Variants in MYH8 observed in about 807,000 individuals in gnomAD.
MYH8 encodes the protein myosin-8.
MYH8 carries 168 observed loss-of-function variants against 233.2 expected under a neutral mutation model. The observed-to-expected ratio is 0.72, with a 90% CI of 0.64 to 0.82. The LOEUF (loss-of-function observed/expected upper bound fraction) is 0.82. Among genes scored for constraint, MYH8 ranks in the 40% least tolerant of loss-of-function variants. The probability of loss-of-function intolerance (pLI) is 0.00; values close to 1 mark genes in which losing one functional copy is unlikely to be tolerated. For missense variants in MYH8, 1,995 were observed against 2,327.8 expected (o/e 0.86, Z 2.94); for synonymous variants, 785 against 850.6 (o/e 0.92, Z 1.34).
chr17:10,404,811 T>C (rs1684397705), intron 21 of MYH8, among the ~76,000 whole-genome samples: 1 of 152,118 alleles, frequency 6.6e-6, no homozygotes, highest in South Asian at 2.1e-4. Flanking sequence ...ACCACTTTGC[T>C]AATATGAGTA....
chr17:10,414,362 C>T, intron 10 of MYH8, 24 bp downstream of exon 10: 2 of 1,600,300 alleles, frequency 1.2e-6, no homozygotes, highest in South Asian at 2.2e-5. Context: ...TAACTTCTAT[C>T]TATGACTTTA....
chr17:10,395,521 T>G, intron 33 of MYH8, 80 bp from the exon 34 acceptor site: 1 of 1,399,380 alleles, frequency 7.1e-7, no homozygotes, highest in Non-Finnish European at 1.0e-6. Flanking sequence ...CAAACTCTTG[T>G]CAATATCAGT....
In MYH8 at chr17:10,413,801, A is replaced by G. The variant is rs543942365; in HGVS notation, c.1147+101T>C. 1,774 of 1,563,144 alleles carry G rather than the reference A, an allele frequency of 1.1e-3. 3 individuals carry two copies. Among genetic ancestry groups the G allele is most frequent in the Non-Finnish European group, 1.5e-3 (1,659 of 1,137,198 alleles). On this transcript the variant is annotated intron_variant, in intron 12 of 39. Transcript: ENST00000403437. ...GTGTGTAAATGTGTATATGCCCTTC[A>G]CAAGTCGCAAGTCCAGCCACAAAGG...
At chr17:10,404,015 T>G (rs534289852) in intron 22 of MYH8, among the ~76,000 whole-genome samples, 1 of 152,224 alleles carries the variant, frequency 6.6e-6, no homozygotes, top group Non-Finnish European at 1.5e-5. Flanking sequence ...ATACTTTTAA[T>G]GCTGGGCTAA....
intron 12 of MYH8, 122 bp from the exon 13 acceptor site, chr17:10,412,850 G>A (rs1390372855): frequency 1.4e-5 from 14 of 990,362 alleles, no homozygotes. Context: ...TCTATAAAAG[G>A]CCAAATGAGG....
rs776852383 is a variant in MYH8, at chr17:10,409,493, G to A, written c.1683C>T (p.Gly561=). 8.7e-6 allele frequency: 14 copies of A among 1,614,202 alleles called. No individual in the cohort carries two copies. Among genetic ancestry groups the A allele is most frequent in the Non-Finnish European group, 1.1e-5 (13 of 1,180,034 alleles). The part of the protein sequence containing the change: ...FKNKLYDQHL[G]KSANFQKPKV... ...TGGGCTTCTGGAAGTTGGCAGACTT[G>A]CCCAGGTGCTGGTCATACAGCTTGT... Residue 561 remains glycine (G), a synonymous_variant, in exon 16 of 40, where the codon GGC becomes GGT. Coordinates refer to ENST00000403437, the MANE Select transcript of MYH8 (RefSeq NM_002472.3).
chr17:10,407,827 A>G (rs1057375862), intron 17 of MYH8, among the ~76,000 whole-genome samples: 9 of 151,990 alleles, frequency 5.9e-5, no homozygotes, highest in African/African-American at 2.2e-4. Flanking sequence ...TGACAGAGCA[A>G]GACTCTGTCT....
At position 10,401,411 on chromosome 17, in the gene MYH8, G is replaced by A. The variant is rs1271068676; in HGVS notation, c.2972C>T (p.Thr991Ile). ...CTTCTCCTTGGACAGTTTTGCAATG[G>A]TTTCATCCAGGCCTGCCATCTCTTC... ...LTEEMAGLDE[T>I]IAKLSKEKKA... The change falls in exon 24 of 40, where the codon ACC (threonine) becomes ATC (isoleucine). Residue 991 changes from threonine (T) to isoleucine (I), a missense_variant. By Grantham distance (89) the Thr-to-Ile change is moderately conservative. Transcript: ENST00000403437. 1 of 1,613,824 alleles carries A rather than the reference G, an allele frequency of 6.2e-7. No homozygotes were observed. The highest frequency in any genetic ancestry group is 8.5e-7 in the Non-Finnish European group (1 of 1,179,982).
intron 35 of MYH8, among the ~76,000 whole-genome samples, chr17:10,393,644 A>G (rs1163443224): frequency 6.6e-6 from 1 of 152,226 alleles, no homozygotes; most frequent in Non-Finnish European, 1.5e-5. Flanking sequence ...AATTTGTCTT[A>G]TGAAAACATG....
chr17:10,398,490 A>G lies in MYH8; in HGVS notation c.4132T>C (p.Tyr1378His), dbSNP rs547440233. ...GTGCGCTGGATGGCATCCGTCTCGTATTTGGTTCTCCACTGGGCAACCTCA... is the reference window on the plus strand; with the variant it reads ...GTGCGCTGGATGGCATCCGTCTCGTGTTTGGTTCTCCACTGGGCAACCTCA... ...NSEVAQWRTK[Y>H]ETDAIQRTEE... The change falls in exon 30 of 40, where the codon TAC becomes CAC. Residue 1378 changes from tyrosine to histidine, a missense_variant. Tyr to His is a moderately conservative substitution (Grantham distance 83). This residue lies in a region of MYH8 where 1,498 missense variants were observed against 1,680.9 expected (regional missense o/e 0.89). Transcript: ENST00000403437. 1.9e-6 allele frequency: 3 copies of G among 1,613,940 alleles called. No individual in the cohort carries two copies. The highest frequency in any genetic ancestry group is 2.5e-6 in the Non-Finnish European group (3 of 1,179,912).
rs1472258546 is a variant in MYH8 at position 10,415,569 on chromosome 17, C to G, written c.551G>C (p.Gly184Ala). The stretch of plus-strand genomic sequence containing the variant: ...CTTGGTGTTCACAGTCTTTCCGGCA[C>G]CAGATTCTCCGCTGTCAAACAGAAA... ...NQSILITGES[G>A]AGKTVNTKRV... The change falls in exon 7 of 40, where the codon GGT becomes GCT. Residue 184 changes from glycine (G) to alanine (A), a missense_variant. Around this residue, in one of 3 missense-constraint regions of MYH8, gnomAD observed 479 missense variants for 600.9 expected, o/e 0.80. Coordinates refer to ENST00000403437, the MANE Select transcript of MYH8 (RefSeq NM_002472.3). The surrounding 1 kb of genome is among the most constrained non-coding windows in gnomAD (Gnocchi z 4.1). 9 of 1,614,036 alleles carry G rather than the reference C, an allele frequency of 5.6e-6. No homozygotes were observed. The highest frequency in any genetic ancestry group is 7.6e-6 in the Non-Finnish European group (9 of 1,180,022).
At chr17:10,394,495 G>T (rs1211728350) in intron 34 of MYH8, 43 bp from the exon 35 acceptor site, 2 of 1,601,938 alleles carry the variant, frequency 1.2e-6, no homozygotes, top group Admixed American at 3.4e-5. Context: ...TTCTGAAGAG[G>T]ATTTGAAGAT....
intron 22 of MYH8, 130 bp from the exon 23 acceptor site, chr17:10,401,915 A>C: frequency 7.7e-7 from 1 of 1,298,992 alleles, no homozygotes; most frequent in Non-Finnish European, 1.1e-6. Flanking sequence ...AATTTAATTT[A>C]ATCGAACATT....
chr17:10,402,938 T>C lies in MYH8; in HGVS notation c.2689-1153A>G, dbSNP rs796761332. Among the ~76,000 whole-genome samples, 7 of 152,254 alleles carry C rather than the reference T, an allele frequency of 4.6e-5. 1 individual carries two copies. Among genetic ancestry groups the C allele is most frequent in the African/African-American group, 1.7e-4 (7 of 41,548 alleles). On this transcript the variant is annotated intron_variant, in intron 22 of 39. Transcript: ENST00000403437. ...GTTGTACCATTGACTAGGCTAGAGG[T>C]TCTCATGCCCAGGACAATTCTAGTT...
rs764866898 is a variant in MYH8, at chr17:10,404,633, T to C, written c.2433-48A>G. The C allele has an allele frequency of 9.3e-6, 15 of 1,609,232 alleles. 1 individual carries two copies. Among genetic ancestry groups the C allele is most frequent in the South Asian group, 8.9e-5 (8 of 90,392 alleles). ...GTGTAGACTAATCCATCAGAGCCAA[T>C]GTTATTGTTACTTATCACACACAAA... On this transcript the variant is annotated intron_variant, in intron 21 of 39. Transcript: ENST00000403437.
intron 27 of MYH8, among the ~76,000 whole-genome samples, chr17:10,399,886 C>T (rs1344260501): frequency 6.6e-6 from 1 of 152,110 alleles, no homozygotes; most frequent in Non-Finnish European, 1.5e-5. Flanking sequence ...ATGATATTGA[C>T]GCTTGCTTAA....
intron 22 of MYH8, among the ~76,000 whole-genome samples, chr17:10,403,848 G>A (rs2072163321): frequency 6.6e-6 from 1 of 152,082 alleles, no homozygotes; most frequent in Non-Finnish European, 1.5e-5. Flanking sequence ...AGAATCAGGA[G>A]GACACATTGC....
chr17:10,399,361 C>T (rs1198336741), intron 28 of MYH8, among the ~76,000 whole-genome samples, 182 bp downstream of exon 28: 1 of 152,058 alleles, frequency 6.6e-6, no homozygotes, highest in Non-Finnish European at 1.5e-5. Context: ...AGCAGCATTG[C>T]CATAGAAGTG....
chr17:10,391,790 CT>C, intron 39 of MYH8, 91 bp downstream of exon 39: 1 of 981,272 alleles, frequency 1.0e-6, no homozygotes, highest in Non-Finnish European at 1.7e-6. Context: ...TAGATTTTCA[CT>C]TTGTCTTCTT....
Sources: gnomAD v4.1 joint callset for allele counts (sites outside exome capture counted in the v4.1 genomes callset) on GRCh38, gnomAD v4.1.1 for gene constraint, gnomAD v4.1.1 regional missense constraint, Gnocchi (gnomAD v3.1) non-coding constraint, MANE v1.5 for transcripts, NCBI Gene and HGNC (gene_info 2026-07-23, HGNC 2026-07-21) for gene names.